The following SGCD variants were observed in gnomAD, a reference collection of about 807,000 sequenced individuals.
SGCD encodes sarcoglycan delta, also known as delta-sarcoglycan.
A neutral mutation model predicts 36.6 loss-of-function variants in SGCD; 18 were observed. That is an observed-to-expected ratio of 0.49 (90% CI 0.34 to 0.73). SGCD has a LOEUF of 0.73. SGCD is among the 30% of genes least tolerant of loss of function. SGCD has a pLI of 0.01. For synonymous variants in SGCD, 133 were observed against 130.6 expected, an observed-to-expected ratio of 1.02 and a Z score of -0.12; for missense variants, 387 against 346.7, an observed-to-expected ratio of 1.12 and a Z score of -0.92.
chr5:156,574,009 T>G (rs192306317), intron 4 of SGCD, among the ~76,000 whole-genome samples: 406 of 152,300 alleles, frequency 2.7e-3, no homozygotes, highest in African/African-American at 9.5e-3. Flanking sequence ...TGTTCTTTAA[T>G]ACTAAATACT....
chr5:156,375,522 G>A (rs2127743248), intron 3 of SGCD, among the ~76,000 whole-genome samples: 1 of 151,682 alleles, frequency 6.6e-6, no homozygotes, highest in Non-Finnish European at 1.5e-5. Context: ...GGTCACCCAT[G>A]TGTAATATTA....
chr5:156,724,127 G>A (rs1274047241), intron 7 of SGCD, among the ~76,000 whole-genome samples: 8 of 152,164 alleles, frequency 5.3e-5, no homozygotes, highest in Non-Finnish European at 1.5e-5. Context: ...GCAAGGGAGA[G>A]CACGAAGACT....
chr5:156,095,343 T>C (rs1271523750), intron 1 of SGCD, among the ~76,000 whole-genome samples: 6 of 151,674 alleles, frequency 4.0e-5, no homozygotes, highest in Non-Finnish European at 7.4e-5. Context: ...TCCCGGTCTA[T>C]CTATTTTGAT....
At chr5:156,633,298 G>A (rs1188931436) in intron 6 of SGCD, among the ~76,000 whole-genome samples, 3 of 152,148 alleles carry the variant, frequency 2.0e-5, no homozygotes, top group Admixed American at 2.0e-4. Context: ...GTGTAGACAG[G>A]TAGCAACTCA....
intron 4 of SGCD, 137 bp from the exon 5 acceptor site, chr5:156,589,094 A>G: frequency 6.4e-6 from 4 of 620,218 alleles, no homozygotes; most frequent in Non-Finnish European, 5.8e-6. Flanking sequence ...ATCTTTAAAC[A>G]TTTGGAGTTT....
chr5:156,450,555 GA>G (rs763669665), intron 3 of SGCD, among the ~76,000 whole-genome samples: 7 of 147,504 alleles, frequency 4.7e-5, no homozygotes, highest in South Asian at 2.1e-4. Flanking sequence ...AAAAAGAAAA[GA>G]AAAAAAAGTT....
chr5:156,373,935 A>G (rs1459445616), intron 3 of SGCD, among the ~76,000 whole-genome samples: 1 of 152,200 alleles, frequency 6.6e-6, no homozygotes, highest in African/African-American at 2.4e-5. Context: ...GACGAAATAG[A>G]AACAAAGACC....
In SGCD at chr5:156,538,475, A is replaced by G. The variant is rs564626975; in HGVS notation, c.294+29773A>G. ...GTAAGTTTGCAGCCATCACAACCCCATTGTCTCTGCTCCCAGAGCTCTATG... is the reference window on the plus strand; with the variant it reads ...GTAAGTTTGCAGCCATCACAACCCCGTTGTCTCTGCTCCCAGAGCTCTATG... On this transcript the variant is annotated intron_variant, in intron 4 of 8. Transcript: ENST00000337851. Among the ~76,000 whole-genome samples, 4 of 152,068 alleles carry G rather than the reference A, an allele frequency of 2.6e-5. 1 individual carries two copies. Among genetic ancestry groups the G allele is most frequent in the African/African-American group, 9.6e-5 (4 of 41,512 alleles).
intron 3 of SGCD, among the ~76,000 whole-genome samples, chr5:156,156,325 C>A (rs1762962572): frequency 6.6e-6 from 1 of 151,420 alleles, no homozygotes; most frequent in South Asian, 2.1e-4. Context: ...GAGCAGAATC[C>A]CATGAATATT....
intron 1 of SGCD, among the ~76,000 whole-genome samples, chr5:155,883,810 A>G (rs996848939): frequency 2.7e-4 from 41 of 151,758 alleles, no homozygotes; most frequent in Admixed American, 9.2e-4. Flanking sequence ...AAAAAAAAAA[A>G]AAAAGAAAAG....
At chr5:156,545,249 T>A (rs560643382) in intron 4 of SGCD, among the ~76,000 whole-genome samples, 1 of 152,268 alleles carries the variant, frequency 6.6e-6, no homozygotes, top group East Asian at 1.9e-4. Context: ...AAAAGTACCT[T>A]TTTTTCAATA....
intron 3 of SGCD, among the ~76,000 whole-genome samples, chr5:156,128,297 A>G (rs1297391003): frequency 6.6e-6 from 1 of 152,190 alleles, no homozygotes; most frequent in Non-Finnish European, 1.5e-5. Context: ...GAATTGTGTA[A>G]TGTTCCAATC....
At chr5:156,275,326 A>G (rs528105905) in intron 3 of SGCD, among the ~76,000 whole-genome samples, 19 of 152,318 alleles carry the variant, frequency 1.2e-4, no homozygotes, top group African/African-American at 3.6e-4. Context: ...ATTTCTATGT[A>G]TGATGATTTT....
chr5:156,648,783 C>A (rs1763335821), intron 7 of SGCD, among the ~76,000 whole-genome samples: 1 of 152,138 alleles, frequency 6.6e-6, no homozygotes, highest in African/African-American at 2.4e-5. Flanking sequence ...GGTACTGAAG[C>A]TAGAATCTTT....
chr5:155,830,547 C>T, the SGCD span, among the ~76,000 whole-genome samples: 1 of 152,218 alleles, frequency 6.6e-6, no homozygotes, highest in Non-Finnish European at 1.5e-5. Context: ...TCAGCTCTTG[C>T]TCTGACAGCA....
At chr5:156,476,921 G>T (rs1755205982) in intron 3 of SGCD, among the ~76,000 whole-genome samples, 1 of 152,042 alleles carries the variant, frequency 6.6e-6, no homozygotes. Flanking sequence ...TCTCAGCAGG[G>T]ATTTCTTCTT....
Position 156,289,904 on chromosome 5 carries a change from A to G in SGCD, c.-43-39630A>G, listed in dbSNP as rs180905809. ...TAGTCTCTAGAATTTCCCCATCTTT[A>G]TATATAGGTAATAATACTGAATTAT... On this transcript the variant is annotated intron_variant, in intron 3 of 9. Coordinates refer to the SGCD transcript ENST00000517913. Among the ~76,000 whole-genome samples the G allele has an allele frequency of 6.6e-5, 10 of 152,204 alleles. No individual in the cohort carries two copies. The East Asian group carries it at 1.5e-3, about 24-fold the overall frequency.
chr5:156,439,322 A>G (rs980801200), intron 3 of SGCD, among the ~76,000 whole-genome samples: 3 of 152,130 alleles, frequency 2.0e-5, no homozygotes, highest in Non-Finnish European at 4.4e-5. Flanking sequence ...ATTGTGTGAC[A>G]TTGTGCTTCA....
At chr5:156,229,277 C>CACATATATATATACATATATAT (rs1554085595) in intron 3 of SGCD, among the ~76,000 whole-genome samples, 1 of 56,502 alleles carries the variant, frequency 1.8e-5, no homozygotes, top group African/African-American at 8.0e-5. Context: ...TATATACATA[C>CACATATATATATACATATATAT]ATATATATAT....
Sources: allele counts gnomAD v4.1 joint callset (sites outside exome capture counted in the v4.1 genomes callset), GRCh38; gene constraint gnomAD v4.1.1; transcripts MANE v1.5; gene names NCBI Gene and HGNC (gene_info 2026-07-23, HGNC 2026-07-21).